Variants in IL36G observed in about 807,000 individuals in gnomAD.
IL36G encodes the protein interleukin-36 gamma.
In IL36G, 10 loss-of-function variants were observed where a neutral mutation model predicts 13.5. The ratio of observed to expected loss-of-function variants is 0.74; its 90% CI spans 0.46 to 1.26. The LOEUF is 1.26. Among genes scored for constraint, IL36G ranks in the 50% most tolerant of loss-of-function variants. IL36G has a pLI of 0.00. For synonymous variants in IL36G, 84 were observed against 74.0 expected (o/e 1.13, Z -0.69); for missense variants, 199 against 203.0 (o/e 0.98, Z 0.12).
Position 112,978,077 on chromosome 2 carries a change from A to T in IL36G, c.-21A>T, listed in dbSNP as rs1684195944. ...CTGTAGATAAAGACCCTTTCTTGCC[A>T]GGTATAGTCAATAGCTGGAAAACCT... On this transcript the variant is annotated splice_region_variant and 5_prime_UTR_variant, in exon 1 of 5. Transcript: ENST00000259205. 6.4e-6 allele frequency: 1 copy of T among 156,994 alleles called. No homozygotes were observed. Among genetic ancestry groups the T allele is most frequent in the South Asian group, 1.9e-4 (1 of 5,158 alleles). The allele number at this position is 156,994 out of a possible 1,614,324, so 9.7% of individuals were successfully genotyped here.
At chr2:112,979,988 T>G in intron 3 of IL36G, 21 bp from the exon 4 acceptor site, 1 of 1,608,180 alleles carries the variant, frequency 6.2e-7, no homozygotes, top group Non-Finnish European at 8.5e-7. Flanking sequence ...ACTGATACCA[T>G]CTCTCCTCTT....
intron 3 of IL36G, 74 bp downstream of exon 3, chr2:112,979,399 A>AGTCAC: frequency 1.1e-6 from 1 of 871,420 alleles, no homozygotes; most frequent in Non-Finnish European, 1.9e-6. Flanking sequence ...CCTTTTGTAA[A>AGTCAC]AGTGTGACTT....
intron 3 of IL36G, 106 bp downstream of exon 3, chr2:112,979,431 T>A: frequency 1.5e-6 from 1 of 653,452 alleles, no homozygotes; most frequent in Non-Finnish European, 2.7e-6. Context: ...CCACCAGGAG[T>A]GGGGAGAATT....
In IL36G at chr2:112,985,014, T is replaced by C. The variant is rs758836303; in HGVS notation, c.475T>C (p.Tyr159His). ...IILTSELGKS[Y>H]NTAFELNIND The stretch of plus-strand genomic sequence containing the variant: ...TCTGACTTCAGAACTTGGGAAGTCA[T>C]ACAACACTGCCTTTGAATTAAATAT... The change falls in exon 5 of 5, where the codon TAC becomes CAC. Residue 159 changes from tyrosine (Y) to histidine (H), a missense_variant. Physicochemically the swap from Tyr to His is moderately conservative, Grantham distance 83 (BLOSUM62 2). Coordinates refer to ENST00000259205, the MANE Select transcript of IL36G (RefSeq NM_019618.4). The C allele has an allele frequency of 6.2e-6, 10 of 1,613,904 alleles. No individual in the cohort carries two copies. The highest frequency in any genetic ancestry group is 3.3e-4 in the Middle Eastern group (2 of 6,078).
chr2:112,980,697 T>G (rs1234997862), intron 4 of IL36G, among the ~76,000 whole-genome samples: 1 of 152,238 alleles, frequency 6.6e-6, no homozygotes, highest in Non-Finnish European at 1.5e-5. Flanking sequence ...ACAGGTGCCA[T>G]CTCAGTGGCA....
chr2:112,978,543 G>A, intron 1 of IL36G, 77 bp from the exon 2 acceptor site: 4 of 1,133,368 alleles, frequency 3.5e-6, no homozygotes, highest in Non-Finnish European at 5.4e-6. Flanking sequence ...TCTAGAATGA[G>A]GGCCTGTGGA....
In IL36G at chr2:112,978,836, T is replaced by TG. The variant is rs1276655101; in HGVS notation, c.55+146dup. 5 of 802,894 alleles carry TG rather than the reference T, an allele frequency of 6.2e-6. No individual in the cohort carries two copies. In the Middle Eastern group the frequency reaches 1.1e-3, roughly 169 times the overall value. 49.7% of individuals were successfully genotyped at this position (802,894 alleles called of 1,614,324 possible). A position where few individuals can be genotyped will look rare whatever the true frequency, so the allele number is the denominator to read the frequency against. On this transcript the variant is annotated intron_variant, in intron 2 of 4. Coordinates refer to ENST00000259205, the MANE Select transcript of IL36G (RefSeq NM_019618.4). ...GTGCTGCCCACCTACCACTGGGCCC[T>TG]GGGCTTCTGGAGGGTGGGAGCTATT...
chr2:112,984,597 C>T (rs1684320990), intron 4 of IL36G, among the ~76,000 whole-genome samples: 1 of 152,086 alleles, frequency 6.6e-6, no homozygotes, highest in South Asian at 2.1e-4. Flanking sequence ...GCTGCTTGTT[C>T]ATTAAACTCT....
intron 4 of IL36G, among the ~76,000 whole-genome samples, chr2:112,983,643 T>G (rs1386836834): frequency 6.6e-6 from 1 of 151,718 alleles, no homozygotes; most frequent in Non-Finnish European, 1.5e-5. Context: ...GACAGGTTGG[T>G]GGGGGCAGAA....
At chr2:112,983,600 G>A (rs1019971749) in intron 4 of IL36G, among the ~76,000 whole-genome samples, 2 of 152,024 alleles carry the variant, frequency 1.3e-5, no homozygotes, top group African/African-American at 4.8e-5. Context: ...CCTTGGGTGG[G>A]AACAGCTTGG....
rs772992334 is a variant in IL36G at position 112,984,859 on chromosome 2, T to C, written c.320T>C (p.Leu107Pro). Residue 107 changes from leucine to proline, a missense_variant, in exon 5 of 5, where the codon CTG becomes CCG. Transcript: ENST00000259205. Reference sequence around the variant, plus strand: ...TTTCAGGAGCAGAAGATCATGGATCTGTATGGCCAACCCGAGCCCGTGAAA... The same window carrying C: ...TTTCAGGAGCAGAAGATCATGGATCCGTATGGCCAACCCGAGCCCGTGAAA... ...LQLKEQKIMD[L>P]YGQPEPVKPF... 3.1e-6 allele frequency: 5 copies of C among 1,614,182 alleles called. No individual in the cohort carries two copies. Among genetic ancestry groups the C allele is most frequent in the South Asian group, 1.1e-5 (1 of 91,072 alleles).
At chr2:112,984,411 T>C (rs1001094081) in intron 4 of IL36G, among the ~76,000 whole-genome samples, 1 of 152,236 alleles carries the variant, frequency 6.6e-6, no homozygotes, top group Non-Finnish European at 1.5e-5. Context: ...ATGTGGCAAT[T>C]AGTCAGAAAT....
intron 4 of IL36G, among the ~76,000 whole-genome samples, chr2:112,983,004 T>A: frequency 6.6e-6 from 1 of 152,278 alleles, no homozygotes; most frequent in South Asian, 2.1e-4. Flanking sequence ...TGGGAATGAC[T>A]AAGAAGAGCA....
At chr2:112,981,105 A>C in intron 4 of IL36G, 1 of 795,232 alleles carries the variant, frequency 1.3e-6, no homozygotes, top group Non-Finnish European at 2.1e-6. Context: ...TTGATAAAAA[A>C]TAGTTTTTCA....
At chr2:112,980,202 T>G (rs1684239444) in intron 4 of IL36G, 54 bp downstream of exon 4, 1 of 1,426,850 alleles carries the variant, frequency 7.0e-7, no homozygotes, top group Non-Finnish European at 9.7e-7. Context: ...AGTGTTTGGT[T>G]GAATACCTAA....
At chr2:112,984,267 A>C (rs1469008037) in intron 4 of IL36G, among the ~76,000 whole-genome samples, 1 of 152,264 alleles carries the variant, frequency 6.6e-6, no homozygotes, top group Non-Finnish European at 1.5e-5. Context: ...ATATATAGAC[A>C]TACAGAATAT....
intron 4 of IL36G, among the ~76,000 whole-genome samples, chr2:112,981,763 A>G (rs761059564): frequency 6.6e-5 from 10 of 152,124 alleles, no homozygotes; most frequent in African/African-American, 1.2e-4. Context: ...CTGCCAGCTC[A>G]TGGTTACATT....
chr2:112,981,619 T>C (rs1485380640), intron 4 of IL36G, among the ~76,000 whole-genome samples: 1 of 152,378 alleles, frequency 6.6e-6, no homozygotes, highest in African/African-American at 2.4e-5. Flanking sequence ...TTGGAATTCC[T>C]ATTCATCCAT....
At chr2:112,979,406 A>G (rs1684223588) in intron 3 of IL36G, 81 bp downstream of exon 3, 1 of 806,696 alleles carries the variant, frequency 1.2e-6, no homozygotes, top group African/African-American at 1.7e-5. Flanking sequence ...TAAAAGTGTG[A>G]CTTTACAATG....
Sources: allele counts gnomAD v4.1 joint callset (sites outside exome capture counted in the v4.1 genomes callset), GRCh38; gene constraint gnomAD v4.1.1; transcripts MANE v1.5; gene names NCBI Gene and HGNC (gene_info 2026-07-23, HGNC 2026-07-21).